The following UNC79 variants were observed in gnomAD, a reference collection of about 807,000 sequenced individuals.
The protein encoded by UNC79 is protein unc-79 homolog.
In UNC79, 37 loss-of-function variants were observed where a neutral mutation model predicts 283.1. The observed-to-expected ratio is 0.13, with a 90% CI of 0.10 to 0.17. UNC79 has a LOEUF of 0.17. UNC79 is among the 10% of genes least tolerant of loss of function. The pLI is 1.00. For synonymous variants in UNC79, 1,107 were observed against 1,200.2 expected (o/e 0.92, Z 1.61); for missense variants, 2,272 against 3,211.1 (o/e 0.71, Z 7.07).
chr14:93,685,488 C>T (rs1251473443), intron 42 of UNC79, among the ~76,000 whole-genome samples: 2 of 152,204 alleles, frequency 1.3e-5, no homozygotes, highest in African/African-American at 4.8e-5. Context: ...AACACTCTGA[C>T]AGACTGCCAA....
At chr14:93,444,652 C>G (rs2056410180) in intron 1 of UNC79, among the ~76,000 whole-genome samples, 1 of 151,996 alleles carries the variant, frequency 6.6e-6, no homozygotes, top group African/African-American at 2.4e-5. Context: ...TGTACGATAT[C>G]CAGTTGTTTC....
intron 1 of UNC79, among the ~76,000 whole-genome samples, chr14:93,408,579 C>T (rs1459920199): frequency 6.6e-6 from 1 of 152,144 alleles, no homozygotes; most frequent in Non-Finnish European, 1.5e-5. Context: ...GTGGTCCCAG[C>T]TATTCAGGAG....
chr14:93,366,985 T>A (rs1484591611), intron 1 of UNC79, among the ~76,000 whole-genome samples: 1 of 152,216 alleles, frequency 6.6e-6, no homozygotes, highest in African/African-American at 2.4e-5. Context: ...AGCAGTTGAT[T>A]CCCAGTGTTC....
At chr14:93,499,118 G>C (rs2059165007) in intron 7 of UNC79, among the ~76,000 whole-genome samples, 1 of 152,098 alleles carries the variant, frequency 6.6e-6, no homozygotes. Context: ...GGTGGCCCTT[G>C]GTGGGCTTAT....
chr14:93,687,490 T>C (rs2074335985), intron 43 of UNC79, among the ~76,000 whole-genome samples: 1 of 152,188 alleles, frequency 6.6e-6, no homozygotes, highest in Admixed American at 6.5e-5. Context: ...AATTGCAATC[T>C]GGTGCTAGAT....
chr14:93,516,598 G>C (rs1175507978), intron 7 of UNC79, among the ~76,000 whole-genome samples: 1 of 151,674 alleles, frequency 6.6e-6, no homozygotes, highest in East Asian at 1.9e-4. Context: ...AGGCATGTGT[G>C]ACTATGCCTG....
At chr14:93,477,587 A>G (rs964060397) in exon 4 of UNC79, 2 of 1,609,362 alleles carry the variant, frequency 1.2e-6, no homozygotes, top group African/African-American at 2.7e-5. Context: ...TTATACAACT[A>G]CATGTTTGCT....
At chr14:93,370,022 T>G (rs922707344) in intron 1 of UNC79, among the ~76,000 whole-genome samples, 1 of 152,156 alleles carries the variant, frequency 6.6e-6, no homozygotes, top group Non-Finnish European at 1.5e-5. Context: ...TCCAGAAGCA[T>G]AGGCTCACTA....
At chr14:93,667,686 G>A (rs1566892485) in intron 40 of UNC79, among the ~76,000 whole-genome samples, 1 of 152,156 alleles carries the variant, frequency 6.6e-6, no homozygotes, top group Non-Finnish European at 1.5e-5. Flanking sequence ...CACATTTCAT[G>A]AGGCCAGTAG....
chr14:93,479,708 C>G (rs1294281969), intron 4 of UNC79, among the ~76,000 whole-genome samples: 1 of 152,172 alleles, frequency 6.6e-6, no homozygotes, highest in Non-Finnish European at 1.5e-5. Context: ...AGTCATAGCT[C>G]ACTGCAGCCT....
chr14:93,542,426 G>A, intron 13 of UNC79, 40 bp from the exon 14 acceptor site: 1 of 1,568,218 alleles, frequency 6.4e-7, no homozygotes, highest in Non-Finnish European at 8.7e-7. Context: ...TTGTAAAGAT[G>A]GATGGAAGCC....
intron 9 of UNC79, 43 bp downstream of exon 9, chr14:93,528,689 T>C (rs762664314): frequency 1.9e-6 from 3 of 1,556,872 alleles, no homozygotes; most frequent in South Asian, 2.3e-5. Context: ...AGGACAACAA[T>C]AAGAAGATAA....
At chr14:93,336,597 T>C (rs2053582661) in intron 1 of UNC79, among the ~76,000 whole-genome samples, 1 of 152,164 alleles carries the variant, frequency 6.6e-6, no homozygotes, top group African/African-American at 2.4e-5. Flanking sequence ...CACCTTGGCC[T>C]CCCAAAGTGC....
chr14:93,580,206 A>G, exon 19 of UNC79: 4 of 1,614,138 alleles, frequency 2.5e-6, no homozygotes, highest in Non-Finnish European at 3.4e-6. Context: ...ATCAAAGGAC[A>G]TTATTTCTAT....
Position 93,564,276 on chromosome 14 carries a change from A to G in UNC79, c.1756-7618A>G, listed in dbSNP as rs1488181560. ...GCTAGGTTTCCATTTGTGAGTTTAT[A>G]TAATGGTTTTGTTAGGATGGCAAAA... On this transcript the variant is annotated intron_variant, in intron 14 of 48. Coordinates refer to ENST00000555664, the Ensembl canonical transcript of UNC79. Among the ~76,000 whole-genome samples, 4 of 152,346 alleles carry G rather than the reference A, an allele frequency of 2.6e-5. 1 individual carries two copies. Among genetic ancestry groups the G allele is most frequent in the Admixed American group, 2.6e-4 (4 of 15,310 alleles).
At chr14:93,558,555 A>G (rs1180651604) in intron 14 of UNC79, among the ~76,000 whole-genome samples, 1 of 112,432 alleles carries the variant, frequency 8.9e-6, no homozygotes, top group East Asian at 2.2e-4. Flanking sequence ...GACTCCATTT[A>G]AAAAAAAAAA....
intron 1 of UNC79, among the ~76,000 whole-genome samples, chr14:93,440,567 C>T (rs1251156362): frequency 6.9e-6 from 1 of 145,604 alleles, no homozygotes; most frequent in Non-Finnish European, 1.5e-5. Context: ...ATAGGCATTT[C>T]ATGCAATATA....
intron 4 of UNC79, among the ~76,000 whole-genome samples, chr14:93,481,936 C>A (rs1262070200): frequency 6.6e-6 from 1 of 152,168 alleles, no homozygotes; most frequent in Non-Finnish European, 1.5e-5. Flanking sequence ...AATCCTTCAA[C>A]TATTGGCAAA....
chr14:93,368,088 C>T (rs1435016549), intron 1 of UNC79, among the ~76,000 whole-genome samples: 1 of 152,152 alleles, frequency 6.6e-6, no homozygotes, highest in East Asian at 1.9e-4. Context: ...TATCCTGGGA[C>T]CTTTAGTTAG....
Sources: allele counts gnomAD v4.1 joint callset (sites outside exome capture counted in the v4.1 genomes callset), GRCh38; gene constraint gnomAD v4.1.1; transcripts MANE v1.5; gene names NCBI Gene and HGNC (gene_info 2026-07-23, HGNC 2026-07-21).